LRP1B: variants seen among roughly 807,000 people sequenced by gnomAD.
The protein encoded by LRP1B is low-density lipoprotein receptor-related protein 1B.
In LRP1B, 217 loss-of-function variants were observed where a neutral mutation model predicts 556.6. The observed-to-expected ratio is 0.39, with a 90% confidence interval of 0.35 to 0.44. LRP1B has a LOEUF of 0.44. Ranked by LOEUF, LRP1B falls within the 20% of genes least tolerant of loss-of-function variation. The pLI is 1.00. For missense variants in LRP1B, 5,053 were observed against 5,620.8 expected, an observed-to-expected ratio of 0.90 and a Z score of 3.23; for synonymous variants, 2,047 against 1,865.8, an observed-to-expected ratio of 1.10 and a Z score of -2.50.
intron 1 of LRP1B, among the ~76,000 whole-genome samples, chr2:142,122,443 G>T (rs1166507008): frequency 6.6e-6 from 1 of 152,066 alleles, no homozygotes; most frequent in Non-Finnish European, 1.5e-5. Context: ...TTTAGATTTA[G>T]ATATTCTAAA....
intron 18 of LRP1B, among the ~76,000 whole-genome samples, chr2:140,962,907 T>C (rs75915065): frequency 1.5e-3 from 225 of 152,326 alleles, no homozygotes; most frequent in African/African-American, 5.2e-3. Flanking sequence ...TTTTAGCTCA[T>C]GTCTGAGACT....
rs754133628 is a variant in LRP1B, at chr2:140,851,691, G to C, written c.4672C>G (p.His1558Asp). 3.7e-6 allele frequency: 6 copies of C among 1,611,718 alleles called. No individual in the cohort carries two copies. The East Asian group carries it at 1.1e-4, about 30-fold the overall frequency. The change falls in exon 28 of 91, where the codon CAC (histidine) becomes GAC (aspartate). Residue 1558 changes from histidine to aspartate, a missense_variant. Coordinates refer to ENST00000389484, the MANE Select transcript of LRP1B (RefSeq NM_018557.3). ...HNRSAACACP[H>D]LMKLSSDKKT... ...TTGTCTGAAGAAAGCTTCATCAAGT[G>C]GGGGCACGCACAGGCAGCACTCCTA...
At chr2:141,345,593 G>A (rs903242204) in intron 3 of LRP1B, among the ~76,000 whole-genome samples, 6 of 151,610 alleles carry the variant, frequency 4.0e-5, no homozygotes, top group African/African-American at 1.5e-4. Flanking sequence ...AGGCTCAAGG[G>A]ATCCTTCCAC....
chr2:141,015,954 A>G (rs79386904), intron 12 of LRP1B, 39 bp from the exon 13 acceptor site: 66,342 of 1,476,464 alleles, frequency 0.045, 1,735 homozygotes, highest in Non-Finnish European at 0.053. Context: ...CATACATGTT[A>G]TTACAACCAG....
At chr2:140,768,110 G>A (rs1689179547) in intron 35 of LRP1B, among the ~76,000 whole-genome samples, 1 of 151,736 alleles carries the variant, frequency 6.6e-6, no homozygotes, top group Non-Finnish European at 1.5e-5. Flanking sequence ...ATTTCCTTTT[G>A]GTAAAGGTGA....
intron 1 of LRP1B, among the ~76,000 whole-genome samples, chr2:142,119,899 T>C (rs749136559): frequency 5.3e-5 from 8 of 152,044 alleles, no homozygotes; most frequent in Non-Finnish European, 1.2e-4. Context: ...TTTAATAGGG[T>C]GGTTATTTCT....
chr2:141,156,665 G>A (rs1702076026), intron 7 of LRP1B, among the ~76,000 whole-genome samples: 1 of 151,870 alleles, frequency 6.6e-6, no homozygotes, highest in Non-Finnish European at 1.5e-5. Flanking sequence ...CTCTGAGCAG[G>A]AAATAGGAGT....
chr2:141,679,084 C>T (rs919659037), intron 2 of LRP1B, among the ~76,000 whole-genome samples: 3 of 152,128 alleles, frequency 2.0e-5, no homozygotes, highest in Non-Finnish European at 2.9e-5. Flanking sequence ...TAGAATGGTG[C>T]TTGTGGCAAA....
At chr2:141,499,743 A>G (rs1318355682) in intron 2 of LRP1B, among the ~76,000 whole-genome samples, 1 of 152,148 alleles carries the variant, frequency 6.6e-6, no homozygotes. Flanking sequence ...AAAGAAAATT[A>G]ACAAAGAATA....
chr2:140,554,143 A>C (rs1680645143), intron 43 of LRP1B, among the ~76,000 whole-genome samples: 1 of 152,018 alleles, frequency 6.6e-6, no homozygotes, highest in African/African-American at 2.4e-5. Flanking sequence ...TAATCTGTAA[A>C]ATAAGATAGT....
chr2:140,513,477 T>C (rs1283952048), intron 51 of LRP1B, among the ~76,000 whole-genome samples: 2 of 135,372 alleles, frequency 1.5e-5, no homozygotes, highest in Admixed American at 1.6e-4. Context: ...AAACAGACAG[T>C]CATCTAATTG....
chr2:141,211,696 T>G (rs1206813259), intron 6 of LRP1B, among the ~76,000 whole-genome samples: 1 of 152,182 alleles, frequency 6.6e-6, no homozygotes, highest in Admixed American at 6.5e-5. Flanking sequence ...CAGAACAGGT[T>G]ACTTCAAAAT....
intron 63 of LRP1B, among the ~76,000 whole-genome samples, chr2:140,445,324 C>T (rs971822828): frequency 1.3e-5 from 2 of 151,958 alleles, no homozygotes; most frequent in African/African-American, 4.8e-5. Flanking sequence ...ACCATGTTGG[C>T]CAGGCTGGTC....
At chr2:140,380,110 C>T (rs1376560486) in intron 67 of LRP1B, among the ~76,000 whole-genome samples, 1 of 152,110 alleles carries the variant, frequency 6.6e-6, no homozygotes, top group Non-Finnish European at 1.5e-5. Flanking sequence ...TTTGTAACAA[C>T]TCTCTAAGGA....
At chr2:142,038,379 C>A (rs998206114) in intron 1 of LRP1B, among the ~76,000 whole-genome samples, 2 of 151,562 alleles carry the variant, frequency 1.3e-5, no homozygotes, top group Non-Finnish European at 3.0e-5. Flanking sequence ...AGCTCAGCTG[C>A]TAACAAACTC....
chr2:140,897,361 T>C (rs766101187), intron 23 of LRP1B, among the ~76,000 whole-genome samples: 1 of 152,142 alleles, frequency 6.6e-6, no homozygotes, highest in Non-Finnish European at 1.5e-5. Context: ...ACAGTAACCA[T>C]AACCTGTCTT....
chr2:141,036,717 C>T (rs752481374), intron 11 of LRP1B, among the ~76,000 whole-genome samples: 1 of 152,006 alleles, frequency 6.6e-6, no homozygotes, highest in South Asian at 2.1e-4. Context: ...TAGTGTATTG[C>T]TTGGAAATGG....
At chr2:141,063,248 C>T (rs1699389217) in intron 7 of LRP1B, among the ~76,000 whole-genome samples, 1 of 151,756 alleles carries the variant, frequency 6.6e-6, no homozygotes, top group Non-Finnish European at 1.5e-5. Context: ...ATTTTACAAA[C>T]TTGGTGAATT....
intron 1 of LRP1B, among the ~76,000 whole-genome samples, chr2:142,065,843 A>C (rs1705089795): frequency 6.6e-6 from 1 of 151,486 alleles, no homozygotes; most frequent in Non-Finnish European, 1.5e-5. Flanking sequence ...CAAAAGTCCC[A>C]GATCCCTTTG....
Sources: allele counts gnomAD v4.1 joint callset (sites outside exome capture counted in the v4.1 genomes callset), GRCh38; gene constraint gnomAD v4.1.1; transcripts MANE v1.5; gene names NCBI Gene and HGNC (gene_info 2026-07-23, HGNC 2026-07-21).